Variants in INSYN2B observed in about 807,000 individuals in gnomAD.
The protein encoded by INSYN2B is inhibitory synaptic factor family member 2B.
Under a neutral mutation model 41.2 loss-of-function variants are expected in INSYN2B, and 16 were observed. That is an observed-to-expected ratio of 0.39 (90% CI 0.26 to 0.59). INSYN2B has a LOEUF of 0.59. Among genes scored for constraint, INSYN2B ranks in the 20% least tolerant of loss-of-function variants. INSYN2B has a pLI of 0.57. For synonymous variants in INSYN2B, 245 were observed against 244.4 expected, an observed-to-expected ratio of 1.00 and a Z score of -0.02; for missense variants, 608 against 646.4, an observed-to-expected ratio of 0.94 and a Z score of 0.64.
chr5:169,885,195 A>G (rs770099928), intron 1 of INSYN2B, among the ~76,000 whole-genome samples: 1 of 152,234 alleles, frequency 6.6e-6, no homozygotes, highest in East Asian at 1.9e-4. Context: ...ACAAATTGCA[A>G]CTGTTATTAA....
intron 3 of INSYN2B, among the ~76,000 whole-genome samples, chr5:169,865,001 G>A (rs746197957): frequency 2.6e-5 from 4 of 152,158 alleles, no homozygotes; most frequent in South Asian, 2.1e-4. Flanking sequence ...TTCTATTACC[G>A]CTATCATCAT....
Position 169,898,568 on chromosome 5 carries a change from C to T in INSYN2B, c.-918-13752G>A, listed in dbSNP as rs150126096. Among the ~76,000 whole-genome samples, 859 of 151,546 alleles carry T rather than the reference C, an allele frequency of 5.7e-3. 14 individuals carry two copies. The highest frequency in any genetic ancestry group is 0.019 in the African/African-American group (801 of 41,242). ...CAACAACAACAACAACAACACACACCGGATTGCAGTATGAGTTCAATGAAA... is the reference window on the plus strand; with the variant it reads ...CAACAACAACAACAACAACACACACTGGATTGCAGTATGAGTTCAATGAAA... On this transcript the variant is annotated intron_variant, in intron 1 of 3. Coordinates refer to ENST00000377365, the MANE Select transcript of INSYN2B (RefSeq NM_001129891.3).
intron 1 of INSYN2B, among the ~76,000 whole-genome samples, chr5:169,898,906 C>G (rs565202968): frequency 3.5e-4 from 54 of 152,166 alleles, no homozygotes; most frequent in Non-Finnish European, 6.3e-4. Context: ...TGAGCAACCA[C>G]AGAGACTAAA....
At chr5:169,967,235 C>T (rs1288216014) in intron 1 of INSYN2B, among the ~76,000 whole-genome samples, 2 of 152,200 alleles carry the variant, frequency 1.3e-5, no homozygotes, top group Admixed American at 1.3e-4. Flanking sequence ...GCCCTGACCA[C>T]AGCTAGTGGT....
In INSYN2B at chr5:169,883,070, C is replaced by G. The variant is rs919475467; in HGVS notation, c.829G>C (p.Glu277Gln). 20 of 1,551,472 alleles carry G rather than the reference C, an allele frequency of 1.3e-5. No individual in the cohort carries two copies. The highest frequency in any genetic ancestry group is 3.5e-6 in the Non-Finnish European group (4 of 1,146,982). ...HTPGTEELKPELLLPKDNSDD... is the reference protein window; with the variant it reads ...HTPGTEELKPQLLLPKDNSDD... ...GAGTTGTCTTTGGGCAAAAGCAATT[C>G]AGGTTTAAGTTCCTCTGTGCCTGGT... Residue 277 changes from glutamate (E) to glutamine (Q), a missense_variant, in exon 2 of 4, where the codon GAA becomes CAA. Transcript: ENST00000377365.
intron 1 of INSYN2B, among the ~76,000 whole-genome samples, chr5:169,905,448 G>T (rs568709843): frequency 3.5e-4 from 54 of 152,320 alleles, no homozygotes; most frequent in Non-Finnish European, 6.2e-4. Context: ...TTTTCTTTCT[G>T]CAAGAAGTGG....
At chr5:169,965,630 T>C (rs1777270815) in intron 1 of INSYN2B, among the ~76,000 whole-genome samples, 1 of 152,092 alleles carries the variant, frequency 6.6e-6, no homozygotes, top group African/African-American at 2.4e-5. Context: ...GTAATTCTAA[T>C]GTGCAGCAGA....
intron 1 of INSYN2B, among the ~76,000 whole-genome samples, chr5:169,925,073 C>T (rs1581425073): frequency 6.6e-6 from 1 of 152,054 alleles, no homozygotes; most frequent in South Asian, 2.1e-4. Context: ...TTTTCTTTCT[C>T]TATTATTCTT....
rs763047155 is a variant in INSYN2B, at chr5:169,884,313, A to G, written c.-415T>C. On this transcript the variant is annotated 5_prime_UTR_variant, in exon 2 of 4. Transcript: ENST00000377365. ...TTTAGGGGGTAGTGCCAGACTCCCAATGAGTGAATTCCAAAAGAAACCTGC... is the reference window on the plus strand; with the variant it reads ...TTTAGGGGGTAGTGCCAGACTCCCAGTGAGTGAATTCCAAAAGAAACCTGC... The G allele has an allele frequency of 2.5e-5, 4 of 157,806 alleles. No homozygotes were observed. The highest frequency in any genetic ancestry group is 4.2e-5 in the Non-Finnish European group (3 of 72,154). The allele number at this position is 157,806 out of a possible 1,614,324, so 9.8% of individuals were successfully genotyped here.
rs180751047 is a variant in INSYN2B, at chr5:169,945,872, A to G, written c.-919+34405T>C. On this transcript the variant is annotated intron_variant, in intron 1 of 3. Coordinates refer to ENST00000377365, the MANE Select transcript of INSYN2B (RefSeq NM_001129891.3). ...TTTTTCTTGACTCGTCCTTATTTGC[A>G]TAAGAGTCTCCCAGAATATTGATGT... 3.3e-4 allele frequency among the ~76,000 whole-genome samples: 50 copies of G among 152,300 alleles called. No homozygotes were observed. In the East Asian group the frequency reaches 6.6e-3, roughly 20 times the overall value.
At chr5:169,908,103 G>A (rs1774395294) in intron 1 of INSYN2B, among the ~76,000 whole-genome samples, 1 of 152,186 alleles carries the variant, frequency 6.6e-6, no homozygotes, top group African/African-American at 2.4e-5. Flanking sequence ...GCAAGGGAAA[G>A]CCCAATGTAT....
intron 1 of INSYN2B, among the ~76,000 whole-genome samples, chr5:169,894,623 AGTTTGCAAAAG>A (rs1773489908): frequency 6.6e-6 from 1 of 152,210 alleles, no homozygotes; most frequent in South Asian, 2.1e-4. Context: ...TGGCACAAGC[AGTTTGCAAAAG>A]CGCATGACTG....
At chr5:169,909,401 G>T (rs188479828) in intron 1 of INSYN2B, among the ~76,000 whole-genome samples, 1 of 152,200 alleles carries the variant, frequency 6.6e-6, no homozygotes, top group East Asian at 1.9e-4. Flanking sequence ...ATTTCAGAAA[G>T]ATGCTATCCA....
chr5:169,976,172 T>C (rs1053672694), intron 1 of INSYN2B, among the ~76,000 whole-genome samples: 1 of 152,214 alleles, frequency 6.6e-6, no homozygotes, highest in Non-Finnish European at 1.5e-5. Context: ...CAAGTTCAAC[T>C]CTACCTTCTG....
intron 1 of INSYN2B, among the ~76,000 whole-genome samples, chr5:169,926,227 G>A (rs554727207): frequency 2.0e-5 from 3 of 152,294 alleles, no homozygotes; most frequent in East Asian, 3.9e-4. Context: ...TGGGGACCAC[G>A]GGGAAGCCAC....
chr5:169,891,620 A>G (rs1236327595), intron 1 of INSYN2B, among the ~76,000 whole-genome samples: 3 of 152,088 alleles, frequency 2.0e-5, no homozygotes, highest in Non-Finnish European at 4.4e-5. Flanking sequence ...CCACGAAGAC[A>G]ACCCCCCTCA....
intron 1 of INSYN2B, among the ~76,000 whole-genome samples, chr5:169,888,265 C>T (rs776619215): frequency 2.6e-5 from 4 of 152,182 alleles, no homozygotes; most frequent in Non-Finnish European, 5.9e-5. Context: ...GTCTTATGGG[C>T]TCCCAATTGT....
intron 3 of INSYN2B, among the ~76,000 whole-genome samples, chr5:169,874,310 G>A (rs1772174457): frequency 6.6e-6 from 1 of 151,388 alleles, no homozygotes; most frequent in Non-Finnish European, 1.5e-5. Context: ...CTACTCAGGA[G>A]GCTGAGGCAG....
chr5:169,961,405 G>A (rs1257896649), intron 1 of INSYN2B, among the ~76,000 whole-genome samples: 1 of 152,218 alleles, frequency 6.6e-6, no homozygotes, highest in Non-Finnish European at 1.5e-5. Flanking sequence ...ACCTTTGCCT[G>A]CTAATCAACT....
Sources: allele counts gnomAD v4.1 joint callset (sites outside exome capture counted in the v4.1 genomes callset), GRCh38; gene constraint gnomAD v4.1.1; transcripts MANE v1.5; gene names NCBI Gene and HGNC (gene_info 2026-07-23, HGNC 2026-07-21).